The following GPC3 variants were observed in gnomAD, a reference collection of about 807,000 sequenced individuals.
The protein encoded by GPC3 is glypican-3.
A neutral mutation model predicts 34.4 loss-of-function variants in GPC3; 3 were observed. That is an observed-to-expected ratio of 0.09 (90% confidence interval 0.04 to 0.23). The LOEUF is 0.23. Ranked by LOEUF, GPC3 falls within the 10% of genes least tolerant of loss-of-function variation. The probability of loss-of-function intolerance (pLI) is 1.00; values close to 1 mark genes in which losing one functional copy is unlikely to be tolerated. For missense variants in GPC3, 351 were observed against 445.6 expected (o/e 0.79, Z 1.91); for synonymous variants, 177 against 174.0 (o/e 1.02, Z -0.13).
chrX:133,902,491 G>A (rs1433694405), intron 2 of GPC3, among the ~76,000 whole-genome samples: 1 of 111,778 alleles, frequency 8.9e-6, no homozygotes, highest in Non-Finnish European at 1.9e-5. Flanking sequence ...GGGAGGCCAA[G>A]GCGAGGGAAT....
At chrX:133,741,092 C>T (rs947006988) in intron 3 of GPC3, among the ~76,000 whole-genome samples, 1 of 110,072 alleles carries the variant, frequency 9.1e-6, no homozygotes, top group East Asian at 2.9e-4. Flanking sequence ...CTCTCTGTCT[C>T]TCTCTATGTC....
chrX:133,711,876 A>T (rs1430780359), intron 3 of GPC3, among the ~76,000 whole-genome samples: 2 of 112,045 alleles, frequency 1.8e-5, no homozygotes, highest in African/African-American at 6.5e-5. Flanking sequence ...GCAAACCATA[A>T]TCTTTGTAAC....
chrX:133,579,069 C>T (rs1236374951), intron 7 of GPC3, among the ~76,000 whole-genome samples: 1 of 111,325 alleles, frequency 9.0e-6, no homozygotes, highest in Non-Finnish European at 1.9e-5. Flanking sequence ...TCAGAACCAC[C>T]GTGCTCTTTC....
intron 2 of GPC3, among the ~76,000 whole-genome samples, chrX:133,938,558 T>C (rs749566676): frequency 3.6e-5 from 4 of 112,090 alleles, no homozygotes; most frequent in African/African-American, 9.7e-5. Context: ...TTATATACAC[T>C]ATTAATTTGT....
intron 5 of GPC3, among the ~76,000 whole-genome samples, chrX:133,675,382 G>A (rs982767132): frequency 9.0e-6 from 1 of 111,074 alleles, no homozygotes; most frequent in Non-Finnish European, 1.9e-5. Context: ...AATTCGTTTT[G>A]TTCCTCCAAG....
chrX:133,773,926 A>G (rs1249190733), intron 2 of GPC3, among the ~76,000 whole-genome samples: 2 of 111,938 alleles, frequency 1.8e-5, no homozygotes, highest in African/African-American at 6.5e-5. Flanking sequence ...TTGTAATTCC[A>G]TAATTCTGTG....
chrX:133,626,968 T>C (rs1392942436), intron 6 of GPC3, among the ~76,000 whole-genome samples: 1 of 108,838 alleles, frequency 9.2e-6, no homozygotes, highest in Non-Finnish European at 1.9e-5. Context: ...ATATACACCA[T>C]GTAATACTAT....
At chrX:133,878,149 C>T (rs1470879869) in intron 2 of GPC3, among the ~76,000 whole-genome samples, 2 of 111,580 alleles carry the variant, frequency 1.8e-5, no homozygotes, top group African/African-American at 6.5e-5. Context: ...TCTTTGAGGC[C>T]GGGCGCGGTG....
chrX:133,906,801 G>A (rs780105337), intron 2 of GPC3, among the ~76,000 whole-genome samples: 5 of 112,017 alleles, frequency 4.5e-5, no homozygotes, highest in South Asian at 7.4e-4. Context: ...AAAGTTGGCC[G>A]GGCACGGTGG....
chrX:133,807,050 C>T (rs192608829), intron 2 of GPC3, among the ~76,000 whole-genome samples: 22 of 111,748 alleles, frequency 2.0e-4, no homozygotes, highest in African/African-American at 6.8e-4. Flanking sequence ...ATCATCAAGA[C>T]CAGGTGATAG....
intron 5 of GPC3, among the ~76,000 whole-genome samples, chrX:133,670,576 C>T (rs2070816409): frequency 8.9e-6 from 1 of 111,998 alleles, no homozygotes; most frequent in South Asian, 3.8e-4. Flanking sequence ...TTAGAGATCT[C>T]ACATTCTCAG....
At chrX:133,740,916 C>T (rs1287586895) in intron 3 of GPC3, among the ~76,000 whole-genome samples, 1 of 110,491 alleles carries the variant, frequency 9.1e-6, no homozygotes, top group Non-Finnish European at 1.9e-5. Context: ...GAAATAGGCC[C>T]TGATTCTGGG....
At chrX:133,551,071 C>T (rs959206592) in intron 7 of GPC3, among the ~76,000 whole-genome samples, 1 of 111,148 alleles carries the variant, frequency 9.0e-6, no homozygotes, top group Non-Finnish European at 1.9e-5. Flanking sequence ...TTACTTGGAA[C>T]CTTCATGATT....
intron 2 of GPC3, among the ~76,000 whole-genome samples, chrX:133,900,585 A>T (rs760649129): frequency 3.6e-5 from 4 of 111,216 alleles, no homozygotes; most frequent in Non-Finnish European, 7.5e-5. Context: ...ATCAATTTAC[A>T]TTTTCCTAGT....
chrX:133,763,207 T>C, intron 2 of GPC3: 1 of 617,836 alleles, frequency 1.6e-6, no homozygotes, highest in East Asian at 3.3e-5. Context: ...CACAGAGGCA[T>C]CTTATGTTAA....
chrX:133,595,283 A>G (rs1348944099), intron 7 of GPC3, among the ~76,000 whole-genome samples: 1 of 111,148 alleles, frequency 9.0e-6, no homozygotes, highest in African/African-American at 3.3e-5. Flanking sequence ...TGTGCACCAC[A>G]GAGGAAAGAG....
chrX:133,840,565 T>C (rs188888189), intron 2 of GPC3, among the ~76,000 whole-genome samples: 20 of 111,184 alleles, frequency 1.8e-4, no homozygotes, highest in African/African-American at 6.2e-4. Context: ...ATTTGGTACA[T>C]AGAAGAAAAT....
intron 7 of GPC3, among the ~76,000 whole-genome samples, chrX:133,571,155 T>G (rs1291858266): frequency 9.0e-6 from 1 of 111,468 alleles, no homozygotes; most frequent in Non-Finnish European, 1.9e-5. Flanking sequence ...GTGAGAACGG[T>G]TTCTCTGACA....
At chrX:133,910,362 A>G (rs944186190) in intron 2 of GPC3, among the ~76,000 whole-genome samples, 3 of 111,867 alleles carry the variant, frequency 2.7e-5, no homozygotes, top group African/African-American at 9.7e-5. Context: ...TCAAAATGGC[A>G]GATCAATATA....
Sources: allele counts gnomAD v4.1 joint callset (sites outside exome capture counted in the v4.1 genomes callset), GRCh38; gene constraint gnomAD v4.1.1; transcripts MANE v1.5; gene names NCBI Gene and HGNC (gene_info 2026-07-23, HGNC 2026-07-21).